Variants in TOM1 observed in about 807,000 individuals in gnomAD.
The protein encoded by TOM1 is target of Myb protein 1.
In TOM1, 38 loss-of-function variants were observed where a neutral mutation model predicts 61.3. The ratio of observed to expected loss-of-function variants is 0.62; its 90% CI spans 0.48 to 0.81. TOM1 has a LOEUF of 0.81. Among genes scored for constraint, TOM1 ranks in the 40% least tolerant of loss-of-function variants. TOM1 has a pLI of 0.00. For missense variants in TOM1, 591 were observed against 659.6 expected (o/e 0.90, Z 1.14); for synonymous variants, 270 against 268.8 (o/e 1.00, Z -0.04).
intron 13 of TOM1, 86 bp from the exon 14 acceptor site, chr22:35,346,844 G>A (rs987211736): frequency 1.1e-5 from 15 of 1,309,706 alleles, no homozygotes; most frequent in African/African-American, 5.9e-5. Context: ...GAGGTTCAGC[G>A]GGGCCCGAGC....
In TOM1 at chr22:35,323,240, C is replaced by T; in HGVS notation, c.366+63C>T. The T allele has an allele frequency of 6.3e-7, 1 of 1,585,982 alleles. No individual in the cohort carries two copies. Among genetic ancestry groups the T allele is most frequent in the Admixed American group, 1.8e-5 (1 of 56,476 alleles). ...GCTGTCAGTGCAGGAGCTTCCTGCC[C>T]AGTGGAGAGTCGAGGCCATCGTGTT... On this transcript the variant is annotated intron_variant, in intron 4 of 14. Coordinates refer to ENST00000449058, the MANE Select transcript of TOM1 (RefSeq NM_005488.3). This position sits in a 1 kb window ranked among gnomAD's most constrained non-coding sequence, Gnocchi z 4.2.
At chr22:35,312,975 A>G (rs915614327) in intron 1 of TOM1, among the ~76,000 whole-genome samples, 2 of 152,188 alleles carry the variant, frequency 1.3e-5, no homozygotes, top group Non-Finnish European at 2.9e-5. Context: ...CTCAGTGATC[A>G]TGAGACTGTT....
intron 12 of TOM1, among the ~76,000 whole-genome samples, chr22:35,341,422 G>A (rs1286760341): frequency 2.0e-5 from 3 of 152,164 alleles, no homozygotes; most frequent in African/African-American, 7.2e-5. Flanking sequence ...AAGCCATGCT[G>A]GTAACCTTAG....
At chr22:35,336,197 G>A (rs901444423) in intron 11 of TOM1, among the ~76,000 whole-genome samples, 5 of 152,168 alleles carry the variant, frequency 3.3e-5, no homozygotes, top group African/African-American at 9.7e-5. Flanking sequence ...CCCAGGGCTT[G>A]GTTTCCACCC....
chr22:35,345,564 C>CCA (rs1288330603), intron 12 of TOM1, 161 bp from the exon 13 acceptor site: 19 of 686,170 alleles, frequency 2.8e-5, no homozygotes, highest in Non-Finnish European at 4.7e-5. Context: ...CCTCCATCAC[C>CCA]CACAGCCTGG....
intron 1 of TOM1, among the ~76,000 whole-genome samples, chr22:35,306,560 C>A (rs1257205970): frequency 6.6e-6 from 1 of 152,194 alleles, no homozygotes; most frequent in African/African-American, 2.4e-5. Flanking sequence ...TCCTCAACAG[C>A]TTTGTTACCA....
intron 12 of TOM1, 124 bp downstream of exon 12, chr22:35,338,912 G>T: frequency 1.1e-6 from 1 of 897,094 alleles, no homozygotes; most frequent in Non-Finnish European, 1.6e-6. Flanking sequence ...TTCCTCGTTT[G>T]GCCGTCAGGT....
chr22:35,326,670 C>T (rs1928335754), intron 6 of TOM1, among the ~76,000 whole-genome samples: 1 of 152,070 alleles, frequency 6.6e-6, no homozygotes, highest in Non-Finnish European at 1.5e-5. Flanking sequence ...GAATCCCAGT[C>T]CTCTAGGAGG....
chr22:35,309,931 A>C (rs1160388230), intron 1 of TOM1, among the ~76,000 whole-genome samples: 1 of 152,220 alleles, frequency 6.6e-6, no homozygotes, highest in Non-Finnish European at 1.5e-5. Context: ...TCCCAGGGCT[A>C]CTTCTGGCTG....
At chr22:35,337,308 A>G (rs1255785480) in intron 11 of TOM1, among the ~76,000 whole-genome samples, 1 of 152,210 alleles carries the variant, frequency 6.6e-6, no homozygotes, top group Non-Finnish European at 1.5e-5. Context: ...AGCCTTGCCC[A>G]CAATGCGCCA....
At chr22:35,320,120 G>A (rs1222330064) in intron 2 of TOM1, among the ~76,000 whole-genome samples, 1 of 152,136 alleles carries the variant, frequency 6.6e-6, no homozygotes, top group Non-Finnish European at 1.5e-5. Flanking sequence ...TGTCCAAAGA[G>A]AACACCATCC....
intron 7 of TOM1, among the ~76,000 whole-genome samples, chr22:35,330,046 G>A (rs1002240494): frequency 3.3e-5 from 5 of 152,228 alleles, no homozygotes; most frequent in East Asian, 1.9e-4. Context: ...TTGGGAGGCC[G>A]AGGCAGGCAG....
chr22:35,343,159 CCACACACCACACCTA>C (rs1327421520), intron 12 of TOM1, among the ~76,000 whole-genome samples: 1 of 134,452 alleles, frequency 7.4e-6, no homozygotes, highest in Non-Finnish European at 1.6e-5. Context: ...ACACACACCT[CCACACACCACACCTA>C]CACACACCAC....
chr22:35,347,254 C>T lies in TOM1; in HGVS notation c.*45C>T. The T allele has an allele frequency of 6.5e-7, 1 of 1,530,552 alleles. No homozygotes were observed. Among genetic ancestry groups the T allele is most frequent in the Non-Finnish European group, 8.8e-7 (1 of 1,136,506 alleles). 94.8% of individuals were successfully genotyped at this position (1,530,552 alleles called of 1,614,324 possible). The stretch of plus-strand genomic sequence containing the variant: ...GCAGCCCAGGTCCCCACTGCTCTCA[C>T]ACCCTTAGGCTGGGACCTCCCTCCC... On this transcript the variant is annotated 3_prime_UTR_variant, in exon 15 of 15. Coordinates refer to ENST00000449058, the MANE Select transcript of TOM1 (RefSeq NM_005488.3).
intron 6 of TOM1, 97 bp downstream of exon 6, chr22:35,324,011 C>T: frequency 7.0e-7 from 1 of 1,422,382 alleles, no homozygotes. Flanking sequence ...ACGGAGCCTC[C>T]ACTTCTTCCT....
At chr22:35,337,666 A>G (rs918549319) in intron 11 of TOM1, among the ~76,000 whole-genome samples, 20 of 152,246 alleles carry the variant, frequency 1.3e-4, no homozygotes, top group African/African-American at 4.8e-4. Context: ...GTATTGCAAG[A>G]GTTAAATGTG....
chr22:35,300,615 C>T (rs927363698), intron 1 of TOM1, among the ~76,000 whole-genome samples: 2 of 152,196 alleles, frequency 1.3e-5, no homozygotes, highest in Admixed American at 1.3e-4. Flanking sequence ...CGGACAAACC[C>T]TCCTGGTCAG....
Position 35,323,007 on chromosome 22 carries a change from C to T in TOM1, c.217-21C>T, listed in dbSNP as rs781462062. The T allele has an allele frequency of 1.6e-5, 25 of 1,612,734 alleles. No individual in the cohort carries two copies. Among genetic ancestry groups the T allele is most frequent in the East Asian group, 8.9e-5 (4 of 44,884 alleles). On this transcript the variant is annotated intron_variant, in intron 3 of 14. Transcript: ENST00000449058. The surrounding 1 kb of genome is among the most constrained non-coding windows in gnomAD (Gnocchi z 4.2). ...CCTCTCCTCTGACCAAGGTGCTCGA[C>T]GGCACCTCTCGGCCCTCCAGGTCTT...
chr22:35,319,763 G>A (rs1927610961), intron 2 of TOM1, among the ~76,000 whole-genome samples: 1 of 152,230 alleles, frequency 6.6e-6, no homozygotes, highest in South Asian at 2.1e-4. Context: ...GCCAGGGACG[G>A]GCGAGGGGCT....
Sources: gnomAD v4.1 joint callset for allele counts (sites outside exome capture counted in the v4.1 genomes callset) on GRCh38, gnomAD v4.1.1 for gene constraint, Gnocchi (gnomAD v3.1) non-coding constraint, MANE v1.5 for transcripts, NCBI Gene and HGNC (gene_info 2026-07-23, HGNC 2026-07-21) for gene names.